PTPRM: variants seen among roughly 807,000 people sequenced by gnomAD.
The protein encoded by PTPRM is protein tyrosine phosphatase receptor type M, also known as receptor-type tyrosine-protein phosphatase mu.
A neutral mutation model predicts 186.7 loss-of-function variants in PTPRM; 47 were observed. That is an observed-to-expected ratio of 0.25 (90% CI 0.20 to 0.32). The LOEUF (loss-of-function observed/expected upper bound fraction) is 0.32, where lower values mean the gene tolerates loss of function less well. PTPRM is among the 10% of genes least tolerant of loss of function. The pLI, the probability that PTPRM is intolerant of heterozygous loss-of-function variation, is 1.00. For synonymous variants in PTPRM, 668 were observed against 674.9 expected (o/e 0.99, Z 0.16); for missense variants, 1,494 against 1,865.0 (o/e 0.80, Z 3.66).
chr18:7,697,544 T>A (rs2039871387), intron 1 of PTPRM, among the ~76,000 whole-genome samples: 2 of 152,210 alleles, frequency 1.3e-5, no homozygotes, highest in African/African-American at 4.8e-5. Context: ...TTGTCAGATT[T>A]CTTGAAGTAG....
intron 5 of PTPRM, among the ~76,000 whole-genome samples, chr18:7,942,968 G>A (rs2052286243): frequency 6.6e-6 from 1 of 152,140 alleles, no homozygotes; most frequent in Admixed American, 6.5e-5. Flanking sequence ...AACCAAGGAG[G>A]GGTCTCTGAA....
chr18:8,173,781 A>G (rs115056711), intron 14 of PTPRM, among the ~76,000 whole-genome samples: 1,984 of 152,260 alleles, frequency 0.013, 41 homozygotes, highest in African/African-American at 0.045. Context: ...CAAAAGGCCA[A>G]TCTTAGGATG....
At chr18:7,800,813 C>T (rs1468200907) in intron 2 of PTPRM, among the ~76,000 whole-genome samples, 3 of 152,140 alleles carry the variant, frequency 2.0e-5, no homozygotes, top group Middle Eastern at 3.2e-3. Context: ...CCCTATTGCT[C>T]CTGGGTTACA....
rs1243519107 is a variant in PTPRM at position 8,244,040 on chromosome 18, T to G, written c.2301-18T>G. On this transcript the variant is annotated intron_variant, in intron 14 of 32. Coordinates refer to ENST00000580170, the MANE Select transcript of PTPRM (RefSeq NM_001105244.2). ...CCGTTCAAATGCATGCCTACATAAT[T>G]GAATTCTTTATCCTAAGGAAACTGG... 5 of 1,601,776 alleles carry G rather than the reference T, an allele frequency of 3.1e-6. No homozygotes were observed. The highest frequency in any genetic ancestry group is 4.3e-6 in the Non-Finnish European group (5 of 1,175,524).
chr18:8,079,946 C>T (rs1243349652), intron 9 of PTPRM, among the ~76,000 whole-genome samples: 1 of 151,970 alleles, frequency 6.6e-6, no homozygotes, highest in Non-Finnish European at 1.5e-5. Flanking sequence ...AAAAACAAAA[C>T]ACTCTTTTAG....
At chr18:7,834,529 C>CACACACACACACACACACACACACACACA (rs2045937641) in intron 2 of PTPRM, among the ~76,000 whole-genome samples, 1 of 133,968 alleles carries the variant, frequency 7.5e-6, no homozygotes, top group Non-Finnish European at 1.5e-5. Flanking sequence ...CACACACACA[C>CACACACACACACACACACACACACACACA]TTCCAGACTC....
intron 2 of PTPRM, among the ~76,000 whole-genome samples, chr18:7,795,948 G>C (rs1267420117): frequency 6.6e-6 from 1 of 151,018 alleles, no homozygotes; most frequent in African/African-American, 2.4e-5. Flanking sequence ...CAAGTAGCTA[G>C]GACTACAGGC....
chr18:7,775,150 A>C (rs1351917439), intron 2 of PTPRM, among the ~76,000 whole-genome samples: 1 of 152,244 alleles, frequency 6.6e-6, no homozygotes, highest in African/African-American at 2.4e-5. Flanking sequence ...AACGTGAAGT[A>C]GAGTTTAATG....
intron 7 of PTPRM, among the ~76,000 whole-genome samples, chr18:8,046,794 CATAA>C (rs998462185): frequency 6.6e-6 from 1 of 152,126 alleles, no homozygotes; most frequent in East Asian, 1.9e-4. Flanking sequence ...TCATTCATGG[CATAA>C]ATGAGATATT....
At chr18:7,963,974 T>C (rs1375452743) in intron 7 of PTPRM, among the ~76,000 whole-genome samples, 1 of 152,202 alleles carries the variant, frequency 6.6e-6, no homozygotes, top group Admixed American at 6.5e-5. Flanking sequence ...CTAAATCTGC[T>C]TTGAACAATT....
intron 14 of PTPRM, among the ~76,000 whole-genome samples, chr18:8,231,007 A>G (rs2094279822): frequency 6.6e-6 from 1 of 152,218 alleles, no homozygotes; most frequent in South Asian, 2.1e-4. Context: ...GTCTAAGCAC[A>G]CACGTAATTG....
At chr18:7,610,521 A>C (rs2037646420) in intron 1 of PTPRM, among the ~76,000 whole-genome samples, 3 of 152,228 alleles carry the variant, frequency 2.0e-5, no homozygotes, top group African/African-American at 7.2e-5. Flanking sequence ...ACTAGGAGAC[A>C]GGCTGGGGTA....
intron 1 of PTPRM, among the ~76,000 whole-genome samples, chr18:7,723,632 T>C (rs2040490836): frequency 6.6e-6 from 1 of 152,278 alleles, no homozygotes; most frequent in South Asian, 2.1e-4. Flanking sequence ...CCCACCAGCT[T>C]GTAGGCTGGA....
Position 8,265,686 on chromosome 18 carries a change from T to C in PTPRM, c.2754+12272T>C, listed in dbSNP as rs114186627. ...TCAATTTTTTTTCAAATAACAGTGC[T>C]GTGTTATAGAAAGGACAGTGGATTA... On this transcript the variant is annotated intron_variant, in intron 19 of 32. Transcript: ENST00000580170. 3.9e-3 allele frequency among the ~76,000 whole-genome samples: 593 copies of C among 152,314 alleles called. 5 individuals are homozygous for C. Among genetic ancestry groups the C allele is most frequent in the African/African-American group, 0.014 (571 of 41,566 alleles).
intron 1 of PTPRM, among the ~76,000 whole-genome samples, chr18:7,661,210 G>C (rs2038973332): frequency 6.6e-6 from 1 of 152,080 alleles, no homozygotes; most frequent in Non-Finnish European, 1.5e-5. Context: ...GATCTTTATT[G>C]GTCTTTCTAA....
chr18:8,039,038 C>T (rs986807621), intron 7 of PTPRM, among the ~76,000 whole-genome samples: 4 of 151,986 alleles, frequency 2.6e-5, no homozygotes, highest in Non-Finnish European at 2.9e-5. Context: ...TGATTTTATG[C>T]AACTCAGAAG....
chr18:8,252,577 GCC>G (rs2094538110), intron 18 of PTPRM, 78 bp downstream of exon 18: 2 of 1,355,296 alleles, frequency 1.5e-6, no homozygotes, highest in Non-Finnish European at 2.1e-6. Flanking sequence ...TTCTGACAAA[GCC>G]AGCTGGTGCT....
intron 14 of PTPRM, among the ~76,000 whole-genome samples, chr18:8,195,006 G>T (rs1304330916): frequency 6.6e-6 from 1 of 152,060 alleles, no homozygotes; most frequent in East Asian, 1.9e-4. Context: ...CCCAAGGCAG[G>T]ACTCTACATG....
rs746950146 is a variant in PTPRM at position 8,248,130 on chromosome 18, C to A, written c.2528-20C>A. The A allele has an allele frequency of 1.3e-6, 2 of 1,526,840 alleles. No homozygotes were observed. Among genetic ancestry groups the A allele is most frequent in the Non-Finnish European group, 1.8e-6 (2 of 1,100,716 alleles). The allele number at this position is 1,526,840 out of a possible 1,614,324, so 94.6% of individuals were successfully genotyped here. A position where few individuals can be genotyped will look rare whatever the true frequency, so the allele number is the denominator to read the frequency against. On this transcript the variant is annotated intron_variant, in intron 16 of 32. Coordinates refer to ENST00000580170, the MANE Select transcript of PTPRM (RefSeq NM_001105244.2). Reference sequence around the variant, plus strand: ...CTCTTTTTACTTTCTCTGCATTGACCTGCTTACGGTGTATGACAGACCCAT... The same window carrying A: ...CTCTTTTTACTTTCTCTGCATTGACATGCTTACGGTGTATGACAGACCCAT...
Sources: gnomAD v4.1 joint callset for allele counts (sites outside exome capture counted in the v4.1 genomes callset) on GRCh38, gnomAD v4.1.1 for gene constraint, MANE v1.5 for transcripts, NCBI Gene and HGNC (gene_info 2026-07-23, HGNC 2026-07-21) for gene names.